Variants in SGCD observed in about 807,000 individuals in gnomAD.
SGCD encodes sarcoglycan delta.
A neutral mutation model predicts 36.6 loss-of-function variants in SGCD; 18 were observed. That is an observed-to-expected ratio of 0.49 (90% CI 0.34 to 0.73). The LOEUF (loss-of-function observed/expected upper bound fraction) is 0.73. Among genes scored for constraint, SGCD ranks in the 30% least tolerant of loss-of-function variants. The probability of loss-of-function intolerance (pLI) is 0.01; values close to 1 mark genes in which losing one functional copy is unlikely to be tolerated. For synonymous variants in SGCD, 133 were observed against 130.6 expected (o/e 1.02, Z -0.12); for missense variants, 387 against 346.7 (o/e 1.12, Z -0.92).
At chr5:156,122,156 TATC>T (rs1252465700) in intron 2 of SGCD, among the ~76,000 whole-genome samples, 1 of 152,164 alleles carries the variant, frequency 6.6e-6, no homozygotes, top group African/African-American at 2.4e-5. Flanking sequence ...CTCAGCCACT[TATC>T]ATCTGAGTGG....
intron 3 of SGCD, among the ~76,000 whole-genome samples, chr5:156,318,833 T>C (rs1767588875): frequency 6.6e-6 from 1 of 152,118 alleles, no homozygotes; most frequent in South Asian, 2.1e-4. Context: ...TGACCTCAGG[T>C]GATCCGCCTG....
At chr5:156,553,353 T>C (rs376705852) in intron 4 of SGCD, among the ~76,000 whole-genome samples, 4 of 152,186 alleles carry the variant, frequency 2.6e-5, no homozygotes, top group African/African-American at 4.8e-5. Context: ...TAAGATGCTC[T>C]CAAATCACTT....
chr5:156,126,023 G>A lies in SGCD; in HGVS notation c.-44+2004G>A, dbSNP rs151109083. On this transcript the variant is annotated intron_variant, in intron 3 of 9. Transcript: ENST00000517913. Reference sequence around the variant, plus strand: ...CTCCTAAGTAGCTGGGATTGCAGGCGCCTGCCACCACGCCTGGCTAATATG... The same window carrying A: ...CTCCTAAGTAGCTGGGATTGCAGGCACCTGCCACCACGCCTGGCTAATATG... 1.8e-3 allele frequency among the ~76,000 whole-genome samples: 271 copies of A among 151,770 alleles called. 1 individual carries two copies. The highest frequency in any genetic ancestry group is 3.4e-3 in the Middle Eastern group (1 of 294).
chr5:156,645,171 T>A (rs1581321711), intron 6 of SGCD, among the ~76,000 whole-genome samples: 1 of 152,190 alleles, frequency 6.6e-6, no homozygotes, highest in East Asian at 1.9e-4. Flanking sequence ...CTTTATGGAT[T>A]TTTCACTCAA....
chr5:155,945,639 A>G lies in SGCD; in HGVS notation c.-282+75215A>G, dbSNP rs557661135. 9.2e-5 allele frequency among the ~76,000 whole-genome samples: 14 copies of G among 152,242 alleles called. No individual in the cohort carries two copies. In the East Asian group the frequency reaches 1.9e-3, roughly 21 times the overall value. ...GAGCCAGCAAGTGGAGTGTCCAAGCATAAGTGCAGATTGTGTGTCCGGAGG... is the reference window on the plus strand; with the variant it reads ...GAGCCAGCAAGTGGAGTGTCCAAGCGTAAGTGCAGATTGTGTGTCCGGAGG... On this transcript the variant is annotated intron_variant, in intron 1 of 9. Coordinates refer to the SGCD transcript ENST00000517913.
chr5:156,106,440 G>T (rs1001106600), intron 1 of SGCD, among the ~76,000 whole-genome samples: 2 of 152,166 alleles, frequency 1.3e-5, no homozygotes, highest in African/African-American at 4.8e-5. Context: ...TGTGAAGCAG[G>T]TGTGTTTTGT....
At position 156,641,183 on chromosome 5, in the gene SGCD, C is replaced by T. The variant is rs569506701; in HGVS notation, c.503-6281C>T. On this transcript the variant is annotated intron_variant, in intron 6 of 8. Coordinates refer to ENST00000337851, the MANE Select transcript of SGCD (RefSeq NM_000337.6). ...AAAAATCTCTGTTTCTAAGGCATTTCCTGTGGTTAGTTGTCCCATAACTCA... is the reference window on the plus strand; with the variant it reads ...AAAAATCTCTGTTTCTAAGGCATTTTCTGTGGTTAGTTGTCCCATAACTCA... Among the ~76,000 whole-genome samples, 43 of 152,296 alleles carry T rather than the reference C, an allele frequency of 2.8e-4. No individual in the cohort carries two copies. In the South Asian group the frequency reaches 8.9e-3, roughly 32 times the overall value.
At chr5:155,790,872 G>C in the SGCD span, among the ~76,000 whole-genome samples, 1 of 151,934 alleles carries the variant, frequency 6.6e-6, no homozygotes, top group African/African-American at 2.4e-5. Flanking sequence ...CTTCTTTTCA[G>C]GTACTTAATA....
intron 1 of SGCD, among the ~76,000 whole-genome samples, chr5:155,883,460 G>A (rs1271798336): frequency 1.3e-5 from 2 of 152,042 alleles, no homozygotes; most frequent in Non-Finnish European, 2.9e-5. Context: ...AAAGCCCATT[G>A]TAGAGTTATT....
At chr5:156,203,563 C>A (rs1764201753) in intron 3 of SGCD, among the ~76,000 whole-genome samples, 1 of 152,104 alleles carries the variant, frequency 6.6e-6, no homozygotes, top group Non-Finnish European at 1.5e-5. Context: ...ATTTACTGAA[C>A]TGTATTACTA....
At chr5:156,374,662 C>CT (rs34441102) in intron 3 of SGCD, among the ~76,000 whole-genome samples, 80,051 of 134,456 alleles carry the variant, frequency 0.6, 24,517 homozygotes, top group East Asian at 0.84. Flanking sequence ...GCAACCCTGT[C>CT]TTTTTTTTTT....
In SGCD at chr5:156,368,097, T is replaced by C. The variant is rs562101169; in HGVS notation, c.192+23420T>C. ...TCTGTATTCACGCTTGCTTTTTTTT[T>C]TTCTTTTTTTCGAGACGAAATCTCA... On this transcript the variant is annotated intron_variant, in intron 3 of 8. Coordinates refer to ENST00000337851, the MANE Select transcript of SGCD (RefSeq NM_000337.6). 2.0e-5 allele frequency among the ~76,000 whole-genome samples: 3 copies of C among 152,202 alleles called. No homozygotes were observed. In the South Asian group the frequency reaches 6.2e-4, roughly 32 times the overall value.
At chr5:155,853,574 C>T in the SGCD span, among the ~76,000 whole-genome samples, 1 of 151,992 alleles carries the variant, frequency 6.6e-6, no homozygotes, top group African/African-American at 2.4e-5. Flanking sequence ...TAAAAGTCGC[C>T]AGGTTGCTCA....
chr5:156,622,478 A>AATAATT (rs1235273602), intron 6 of SGCD, among the ~76,000 whole-genome samples: 6 of 141,284 alleles, frequency 4.2e-5, no homozygotes, highest in Non-Finnish European at 6.2e-5. Flanking sequence ...TAATAATAAT[A>AATAATT]ATTTAGGGAA....
At chr5:156,202,339 A>G (rs1036455974) in intron 3 of SGCD, among the ~76,000 whole-genome samples, 2 of 152,192 alleles carry the variant, frequency 1.3e-5, no homozygotes, top group African/African-American at 4.8e-5. Flanking sequence ...AATAGAAGCC[A>G]GACTGTTTTA....
intron 4 of SGCD, among the ~76,000 whole-genome samples, chr5:156,584,497 T>C (rs1301826119): frequency 6.6e-6 from 1 of 152,200 alleles, no homozygotes; most frequent in Non-Finnish European, 1.5e-5. Flanking sequence ...TACAGTGGAT[T>C]AATAAGGGGC....
At chr5:156,739,463 A>G (rs1756553367) in intron 7 of SGCD, among the ~76,000 whole-genome samples, 1 of 152,232 alleles carries the variant, frequency 6.6e-6, no homozygotes, top group Non-Finnish European at 1.5e-5. Flanking sequence ...AATTGCGTCC[A>G]GTGGCATGAA....
intron 3 of SGCD, among the ~76,000 whole-genome samples, chr5:156,230,451 T>C (rs1279323409): frequency 6.6e-6 from 1 of 152,212 alleles, no homozygotes; most frequent in Non-Finnish European, 1.5e-5. Flanking sequence ...GTTATCTCTC[T>C]TCTGGATCTA....
chr5:156,582,748 C>G (rs1419271298), intron 4 of SGCD, among the ~76,000 whole-genome samples: 1 of 152,158 alleles, frequency 6.6e-6, no homozygotes, highest in Non-Finnish European at 1.5e-5. Context: ...GTATGTAATT[C>G]AAGCCCGTCT....
Sources: gnomAD v4.1 joint callset for allele counts (sites outside exome capture counted in the v4.1 genomes callset) on GRCh38, gnomAD v4.1.1 for gene constraint, MANE v1.5 for transcripts, NCBI Gene and HGNC (gene_info 2026-07-23, HGNC 2026-07-21) for gene names.